RPS6KA2: variants seen among roughly 807,000 people sequenced by gnomAD.
RPS6KA2 encodes the protein ribosomal protein S6 kinase A2.
A neutral mutation model predicts 91.8 loss-of-function variants in RPS6KA2; 42 were observed. That is an observed-to-expected ratio of 0.46 (90% CI 0.36 to 0.59). The LOEUF (loss-of-function observed/expected upper bound fraction) is 0.59, where lower values mean the gene tolerates loss of function less well. RPS6KA2 is among the 20% of genes least tolerant of loss of function. RPS6KA2 has a pLI of 0.00. For synonymous variants in RPS6KA2, 414 were observed against 393.6 expected (o/e 1.05, Z -0.61); for missense variants, 798 against 978.5 (o/e 0.82, Z 2.46).
chr6:166,562,603 C>T (rs1385128035), intron 1 of RPS6KA2, among the ~76,000 whole-genome samples: 1 of 152,214 alleles, frequency 6.6e-6, no homozygotes, highest in Non-Finnish European at 1.5e-5. Context: ...CTACTAAGAG[C>T]CCGGCTGCTA....
intron 1 of RPS6KA2, among the ~76,000 whole-genome samples, chr6:166,552,526 T>A (rs1230346566): frequency 6.6e-6 from 1 of 151,726 alleles, no homozygotes; most frequent in Non-Finnish European, 1.5e-5. Context: ...AATTGTATTA[T>A]AAAAGTTTTT....
exon 1 of RPS6KA2, chr6:166,862,253 G>C (rs1781063758): frequency 6.2e-7 from 1 of 1,603,500 alleles, no homozygotes; most frequent in Non-Finnish European, 8.5e-7. Flanking sequence ...CAGGGGGACG[G>C]CCAGACGGGA....
chr6:166,698,111 A>G (rs2128574191), intron 2 of RPS6KA2, among the ~76,000 whole-genome samples: 1 of 152,298 alleles, frequency 6.6e-6, no homozygotes, highest in African/African-American at 2.4e-5. Flanking sequence ...ATGTGTGTAC[A>G]TGGGTGACAT....
Position 166,493,893 on chromosome 6 carries a change from T to TG in RPS6KA2, c.748-3153_748-3152insC, listed in dbSNP as rs1328327414. Among the ~76,000 whole-genome samples, 5 of 152,100 alleles carry TG rather than the reference T, an allele frequency of 3.3e-5. No homozygotes were observed. Among genetic ancestry groups the TG allele is most frequent in the Non-Finnish European group, 7.4e-5 (5 of 68,018 alleles). On this transcript the variant is annotated intron_variant, in intron 8 of 20. Coordinates refer to ENST00000265678, the MANE Select transcript of RPS6KA2 (RefSeq NM_021135.6). This position sits in a 1 kb window ranked among gnomAD's most constrained non-coding sequence, Gnocchi z 4.7. ...ACAGTGCTGGCTGAGAAGCCCTGTC[T>TG]AAAGGGACAGCTAAGGAACCTGGAA...
rs534246839 is a variant in RPS6KA2 at position 166,612,664 on chromosome 6, C to T, written c.99+14257G>A. On this transcript the variant is annotated intron_variant, in intron 1 of 20. Transcript: ENST00000265678. This position sits in a 1 kb window ranked among gnomAD's most constrained non-coding sequence, Gnocchi z 4.3. Reference sequence around the variant, plus strand: ...GCTGTGCTCCATTTATCACTCTGTCCGGGCGTCTGTTGTTACCCATGCTCG... The same window carrying T: ...GCTGTGCTCCATTTATCACTCTGTCTGGGCGTCTGTTGTTACCCATGCTCG... Among the ~76,000 whole-genome samples the T allele has an allele frequency of 3.3e-5, 5 of 152,096 alleles. No individual in the cohort carries two copies. Among genetic ancestry groups the T allele is most frequent in the East Asian group, 1.9e-4 (1 of 5,186 alleles).
At chr6:166,802,875 T>C (rs1330078458) in intron 2 of RPS6KA2, among the ~76,000 whole-genome samples, 1 of 152,098 alleles carries the variant, frequency 6.6e-6, no homozygotes, top group Non-Finnish European at 1.5e-5. Context: ...ATTAAATGTT[T>C]AAATGATAAT....
intron 2 of RPS6KA2, among the ~76,000 whole-genome samples, chr6:166,538,104 C>T (rs555978772): frequency 4.9e-4 from 75 of 152,274 alleles, no homozygotes; most frequent in South Asian, 8.3e-4. Flanking sequence ...GGGTGGGATT[C>T]GTGCCCTATT....
chr6:166,592,992 G>A (rs745984457), intron 1 of RPS6KA2, among the ~76,000 whole-genome samples: 3 of 152,182 alleles, frequency 2.0e-5, no homozygotes, highest in East Asian at 1.9e-4. Context: ...ACAAACAGAC[G>A]TGTTAGTCAC....
At chr6:166,429,153 G>A (rs1162887373) in intron 16 of RPS6KA2, among the ~76,000 whole-genome samples, 1 of 151,872 alleles carries the variant, frequency 6.6e-6, no homozygotes, top group Non-Finnish European at 1.5e-5. Flanking sequence ...GGATGAAATT[G>A]GAGATCATCA....
chr6:166,588,437 G>A (rs1785251486), intron 1 of RPS6KA2, among the ~76,000 whole-genome samples: 2 of 152,076 alleles, frequency 1.3e-5, no homozygotes, highest in Admixed American at 1.3e-4. Context: ...TCATGCACCT[G>A]AACTGGGGGT....
intron 2 of RPS6KA2, among the ~76,000 whole-genome samples, chr6:166,753,967 T>C (rs1777921801): frequency 1.3e-5 from 2 of 152,184 alleles, no homozygotes; most frequent in African/African-American, 4.8e-5. Context: ...CCTTTGGCCA[T>C]GCTTGAACTT....
rs544007662 is a variant in RPS6KA2 at position 166,508,624 on chromosome 6, G to C, written c.380-342C>G. 6.6e-6 allele frequency among the ~76,000 whole-genome samples: 1 copy of C among 152,120 alleles called. No homozygotes were observed. The highest frequency in any genetic ancestry group is 1.5e-5 in the Non-Finnish European group (1 of 68,014). On this transcript the variant is annotated intron_variant, in intron 4 of 20. Transcript: ENST00000265678. The surrounding 1 kb of genome is among the most constrained non-coding windows in gnomAD (Gnocchi z 4.3). ...GCTGGTATCGTTGCTGGCTTTTGTC[G>C]TAATGCATTAGTGAGCAGCCTGAAG...
In RPS6KA2 at chr6:166,500,935, G is replaced by A. The variant is rs774235195; in HGVS notation, c.567-11C>T. 28 of 1,613,314 alleles carry A rather than the reference G, an allele frequency of 1.7e-5. No individual in the cohort carries two copies. The highest frequency in any genetic ancestry group is 2.3e-5 in the Non-Finnish European group (27 of 1,179,510). On this transcript the variant is annotated splice_polypyrimidine_tract_variant and intron_variant, in intron 6 of 20. Transcript: ENST00000265678. The surrounding 1 kb of genome is among the most constrained non-coding windows in gnomAD (Gnocchi z 4.3). Reference sequence around the variant, plus strand: ...TCATCCAGGAGGATGCTAAAAGAAAGGGAGAGAAAACAGATGCTTTAGAAA... The same window carrying A: ...TCATCCAGGAGGATGCTAAAAGAAAAGGAGAGAAAACAGATGCTTTAGAAA...
chr6:166,466,652 A>G (rs1314744869), intron 11 of RPS6KA2, among the ~76,000 whole-genome samples: 1 of 152,238 alleles, frequency 6.6e-6, no homozygotes, highest in East Asian at 1.9e-4. Context: ...GAGAGTGAGG[A>G]AATGGAGGGG....
chr6:166,559,184 T>C (rs970580194), intron 1 of RPS6KA2, among the ~76,000 whole-genome samples: 8 of 151,976 alleles, frequency 5.3e-5, no homozygotes, highest in African/African-American at 1.9e-4. Context: ...AAGGATTCAG[T>C]AGAGGAAAAG....
At chr6:166,477,869 C>T (rs1406335563) in intron 10 of RPS6KA2, among the ~76,000 whole-genome samples, 1 of 152,056 alleles carries the variant, frequency 6.6e-6, no homozygotes, top group Non-Finnish European at 1.5e-5. Context: ...CATGATTGCA[C>T]CACTGTGATC....
At chr6:166,460,970 C>G (rs2128460403) in intron 11 of RPS6KA2, 1 of 152,332 alleles carries the variant, frequency 6.6e-6, no homozygotes, top group African/African-American at 2.4e-5. Flanking sequence ...CTGGGTCCCA[C>G]CTGGGGCACA....
chr6:166,431,903 C>T (rs565032153), intron 15 of RPS6KA2, among the ~76,000 whole-genome samples: 156 of 152,304 alleles, frequency 1.0e-3, no homozygotes, highest in Non-Finnish European at 1.8e-3. Context: ...GCTGGGATTA[C>T]AGGTGTGAGC....
At chr6:166,510,476 T>C (rs1022250616) in intron 3 of RPS6KA2, 119 bp from the exon 4 acceptor site, 7 of 517,866 alleles carry the variant, frequency 1.4e-5, no homozygotes, top group Middle Eastern at 5.7e-4. Context: ...TTCAAACATA[T>C]ACAAAACTTG....
Sources: gnomAD v4.1 joint callset for allele counts (sites outside exome capture counted in the v4.1 genomes callset) on GRCh38, gnomAD v4.1.1 for gene constraint, Gnocchi (gnomAD v3.1) non-coding constraint, MANE v1.5 for transcripts, NCBI Gene and HGNC (gene_info 2026-07-23, HGNC 2026-07-21) for gene names.